The following INPP5F variants were observed in gnomAD, a reference collection of about 807,000 sequenced individuals.
INPP5F encodes inositol polyphosphate-5-phosphatase F.
A neutral mutation model predicts 137.2 loss-of-function variants in INPP5F; 97 were observed. The ratio of observed to expected loss-of-function variants is 0.71; its 90% CI spans 0.60 to 0.84. INPP5F has a LOEUF of 0.84. Among genes scored for constraint, INPP5F ranks in the 40% least tolerant of loss-of-function variants. The probability of loss-of-function intolerance (pLI) is 0.00; values close to 1 mark genes in which losing one functional copy is unlikely to be tolerated. For missense variants in INPP5F, 1,271 were observed against 1,371.9 expected, an observed-to-expected ratio of 0.93 and a Z score of 1.16; for synonymous variants, 504 against 476.9, an observed-to-expected ratio of 1.06 and a Z score of -0.74.
At chr10:119,801,542 A>G (rs1850593339) in intron 9 of INPP5F, among the ~76,000 whole-genome samples, 1 of 152,186 alleles carries the variant, frequency 6.6e-6, no homozygotes, top group Non-Finnish European at 1.5e-5. Flanking sequence ...GTGTGTAATT[A>G]TAAGTAGATA....
Position 119,798,747 on chromosome 10 carries a change from T to A in INPP5F, c.1116+137T>A, listed in dbSNP as rs375751464. On this transcript the variant is annotated intron_variant, in intron 9 of 19. Transcript: ENST00000650623. ...AGTTTAACACATTTAAGCTAAGAGT[T>A]TTCTTAATATTCTTTAAGAATAATC... is the stretch of plus-strand genomic sequence containing the variant. 2.7e-5 allele frequency: 13 copies of A among 477,198 alleles called. No individual in the cohort carries two copies. The South Asian group carries it at 6.5e-4, about 24-fold the overall frequency. 29.6% of individuals were successfully genotyped at this position (477,198 alleles called of 1,614,324 possible).
At chr10:119,799,375 GA>G in intron 9 of INPP5F, 25 of 386,238 alleles carry the variant, frequency 6.5e-5, no homozygotes, top group Admixed American at 1.4e-4. Context: ...GTATATGGAG[GA>G]AAAAAAAGAA....
intron 6 of INPP5F, among the ~76,000 whole-genome samples, chr10:119,795,226 C>G (rs1243065022): frequency 2.0e-5 from 3 of 151,176 alleles, no homozygotes; most frequent in Non-Finnish European, 3.0e-5. Context: ...CCCCTCACCT[C>G]CTGGACGGGG....
chr10:119,762,623 T>C (rs1849041203), intron 2 of INPP5F, among the ~76,000 whole-genome samples: 1 of 152,132 alleles, frequency 6.6e-6, no homozygotes, highest in Admixed American at 6.5e-5. Context: ...TTGCATTAGG[T>C]ATTATAAGTA....
intron 1 of INPP5F, among the ~76,000 whole-genome samples, chr10:119,735,635 C>T (rs1848195910): frequency 1.3e-5 from 2 of 152,134 alleles, no homozygotes; most frequent in Admixed American, 1.3e-4. Flanking sequence ...CCCCAGGGAG[C>T]AACTGTGGTG....
rs570284736 is a variant in INPP5F, at chr10:119,777,913, A to C, written c.179-3722A>C. ...TGCATTTATGAAACGCTTAAAGCAT[A>C]TCTCCAAAGCACCATTTCTAAAATG... On this transcript the variant is annotated intron_variant, in intron 2 of 19. Coordinates refer to ENST00000650623, the MANE Select transcript of INPP5F (RefSeq NM_014937.4). Among the ~76,000 whole-genome samples the C allele has an allele frequency of 3.2e-4, 48 of 152,350 alleles. No individual in the cohort carries two copies. The Middle Eastern group carries it at 0.01, about 32-fold the overall frequency.
Position 119,811,767 on chromosome 10 carries a change from A to C in INPP5F, c.1698A>C (p.Gln566His), listed in dbSNP as rs1179877984. 6.2e-7 allele frequency: 1 copy of C among 1,613,068 alleles called. No individual in the cohort carries two copies. Among genetic ancestry groups the C allele is most frequent in the East Asian group, 2.2e-5 (1 of 44,904 alleles). Residue 566 changes from glutamine (Q) to histidine (H), a missense_variant, in exon 15 of 20, where the codon CAA becomes CAC. Transcript: ENST00000650623. ...ACAATTCCACCCTAGATTTGATGCA[A>C]GGCATTCCAGTGACAGAAGATCTTT... ...AYRQAVIDLM[Q>H]GIPVTEDLYS...
chr10:119,765,790 G>GTATATA (rs1160730429), intron 2 of INPP5F, among the ~76,000 whole-genome samples: 3 of 143,572 alleles, frequency 2.1e-5, no homozygotes, highest in African/African-American at 7.8e-5. Flanking sequence ...TGTGTATAGT[G>GTATATA]TATATATATA....
chr10:119,763,674 C>G (rs1031874981), intron 2 of INPP5F, among the ~76,000 whole-genome samples: 1 of 152,218 alleles, frequency 6.6e-6, no homozygotes. Flanking sequence ...GTGTTTTCCC[C>G]TGAACGGGCC....
At position 119,826,974 on chromosome 10, in the gene INPP5F, ACAAAT is replaced by A. The variant is rs1437571531; in HGVS notation, c.2594_2598del (p.Thr865IlefsTer2). On this transcript the variant is annotated frameshift_variant, in exon 20 of 20. Transcript: ENST00000650623. LOFTEE classifies it high-confidence loss of function. The stretch of plus-strand genomic sequence containing the variant: ...CTCATACCACTCTGATGAATTCCTT[ACAAAT>A]TCTAAGTCTGATGAAGACAGGCAGC... The A allele has an allele frequency of 1.2e-6, 2 of 1,614,166 alleles. No homozygotes were observed. Among genetic ancestry groups the A allele is most frequent in the Admixed American group, 3.3e-5 (2 of 60,020 alleles).
At chr10:119,810,570 A>C (rs1054780356) in intron 14 of INPP5F, among the ~76,000 whole-genome samples, 1 of 152,244 alleles carries the variant, frequency 6.6e-6, no homozygotes, top group African/African-American at 2.4e-5. Context: ...AGGCTGAGCA[A>C]TGTAACCAGA....
chr10:119,783,933 G>A lies in INPP5F; in HGVS notation c.315+2162G>A, dbSNP rs555888005. The stretch of plus-strand genomic sequence containing the variant: ...AGTAACTACAGAGAAAGTATTTCCA[G>A]GTCCTATCTCAGTGAATAGTTTGGT... On this transcript the variant is annotated intron_variant, in intron 3 of 19. Coordinates refer to ENST00000650623, the MANE Select transcript of INPP5F (RefSeq NM_014937.4). Among the ~76,000 whole-genome samples, 12 of 152,222 alleles carry A rather than the reference G, an allele frequency of 7.9e-5. No individual in the cohort carries two copies. The South Asian group carries it at 1.7e-3, about 21-fold the overall frequency.
intron 9 of INPP5F, among the ~76,000 whole-genome samples, chr10:119,798,890 C>A: frequency 6.6e-6 from 1 of 151,368 alleles, no homozygotes; most frequent in East Asian, 1.9e-4. Context: ...CTCAGCCTCC[C>A]GAGTAGCTGG....
At chr10:119,816,370 T>C (rs1851278566) in intron 15 of INPP5F, 1 of 152,286 alleles carries the variant, frequency 6.6e-6, no homozygotes, top group Admixed American at 6.5e-5. Flanking sequence ...TGTCATGTGC[T>C]GTTTGAGTTT....
intron 10 of INPP5F, 53 bp from the exon 11 acceptor site, chr10:119,805,331 A>G (rs1850731166): frequency 1.4e-6 from 2 of 1,438,932 alleles, no homozygotes; most frequent in Admixed American, 1.8e-5. Flanking sequence ...TAAGTTTTAA[A>G]AAAATCTATG....
intron 2 of INPP5F, among the ~76,000 whole-genome samples, chr10:119,765,548 T>A (rs1397363500): frequency 3.3e-5 from 2 of 60,966 alleles, no homozygotes; most frequent in Admixed American, 3.6e-4. Flanking sequence ...ATTTTTGTAT[T>A]TTTTTTTTTT....
chr10:119,796,701 C>T lies in INPP5F; in HGVS notation c.670-14C>T, dbSNP rs778859851. 3 of 1,600,714 alleles carry T rather than the reference C, an allele frequency of 1.9e-6. No homozygotes were observed. The highest frequency in any genetic ancestry group is 3.3e-5 in the Admixed American group (2 of 59,998). On this transcript the variant is annotated splice_polypyrimidine_tract_variant and intron_variant, in intron 6 of 19. Coordinates refer to ENST00000650623, the MANE Select transcript of INPP5F (RefSeq NM_014937.4). ...TACAGAATAGAAACGATATCATGTT[C>T]ATTTTGTTTTCAGACTCCAGATGTG...
At chr10:119,824,396 T>G (rs1260513081) in intron 19 of INPP5F, among the ~76,000 whole-genome samples, 1 of 152,222 alleles carries the variant, frequency 6.6e-6, no homozygotes, top group South Asian at 2.1e-4. Context: ...ACTGGTCAGC[T>G]GTTTTGTAGA....
chr10:119,730,699 AGAG>A (rs927054262), intron 1 of INPP5F, among the ~76,000 whole-genome samples: 1 of 152,218 alleles, frequency 6.6e-6, no homozygotes, highest in African/African-American at 2.4e-5. Context: ...GCGACCAAGA[AGAG>A]ATCTCAAAGC....
Sources: gnomAD v4.1 joint callset for allele counts (sites outside exome capture counted in the v4.1 genomes callset) on GRCh38, gnomAD v4.1.1 for gene constraint, MANE v1.5 for transcripts, NCBI Gene and HGNC (gene_info 2026-07-23, HGNC 2026-07-21) for gene names.